The following ZNF383 variants were observed in gnomAD, a reference collection of about 807,000 sequenced individuals.
ZNF383 encodes zinc finger protein 383.
A neutral mutation model predicts 44.2 loss-of-function variants in ZNF383; 32 were observed. The observed-to-expected ratio is 0.72, with a 90% CI of 0.55 to 0.97. ZNF383 has a LOEUF of 0.97. ZNF383 is among the 50% of genes least tolerant of loss of function. The pLI is 0.00. For synonymous variants in ZNF383, 155 were observed against 186.2 expected, an observed-to-expected ratio of 0.83 and a Z score of 1.36; for missense variants, 487 against 562.5, an observed-to-expected ratio of 0.87 and a Z score of 1.36.
chr19:37,229,932 C>T (rs1327170316), intron 2 of ZNF383, among the ~76,000 whole-genome samples: 1 of 150,806 alleles, frequency 6.6e-6, no homozygotes, highest in African/African-American at 2.4e-5. Flanking sequence ...GGTTGAGAAA[C>T]AAAAAGACTT....
rs774849811 is a variant in ZNF383 at position 37,242,578 on chromosome 19, C to T, written c.342C>T (p.Tyr114=). 9 of 1,613,828 alleles carry T rather than the reference C, an allele frequency of 5.6e-6. No homozygotes were observed. Among genetic ancestry groups the T allele is most frequent in the Non-Finnish European group, 7.6e-6 (9 of 1,179,904 alleles). Reference sequence around the variant, plus strand: ...GACTTACAAAGCATGGCCTTGAGTACTCCAGTTTTGGAGATGTTTTGGAAT... The same window carrying T: ...GACTTACAAAGCATGGCCTTGAGTATTCCAGTTTTGGAGATGTTTTGGAAT... ...IMGLTKHGLE[Y]SSFGDVLEYR... is the part of the protein sequence containing the mutation. The change falls in exon 6 of 6, where the codon TAC becomes TAT. Residue 114 remains tyrosine, a synonymous_variant. Transcript: ENST00000684119.
In ZNF383 at chr19:37,235,969, T is replaced by C. The variant is rs1973770291; in HGVS notation, c.137-10T>C. ...GCATAACCATGTTCCATATCTTTTC[T>C]CGTGAGCAGGACTTTACACTCCTAA... On this transcript the variant is annotated splice_polypyrimidine_tract_variant and intron_variant, in intron 4 of 5. Transcript: ENST00000684119. The C allele has an allele frequency of 6.2e-7, 1 of 1,606,908 alleles. No homozygotes were observed. The highest frequency in any genetic ancestry group is 1.7e-5 in the Admixed American group (1 of 58,230).
intron 5 of ZNF383, among the ~76,000 whole-genome samples, chr19:37,239,059 A>G (rs1402903673): frequency 6.6e-6 from 1 of 152,136 alleles, no homozygotes; most frequent in African/African-American, 2.4e-5. Flanking sequence ...AGCTGGGATT[A>G]TAGGCGCCTG....
At position 37,244,521 on chromosome 19, in the gene ZNF383, G is replaced by C. The variant is rs1974284582; in HGVS notation, c.*857G>C. 1 of 152,158 alleles carries C rather than the reference G, an allele frequency of 6.6e-6. No homozygotes were observed. The highest frequency in any genetic ancestry group is 2.4e-5 in the African/African-American group (1 of 41,400). The allele number at this position is 152,158 out of a possible 1,614,324, so 9.4% of individuals were successfully genotyped here. A position where few individuals can be genotyped will look rare whatever the true frequency, so the allele number is the denominator to read the frequency against. On this transcript the variant is annotated 3_prime_UTR_variant, in exon 6 of 6. Transcript: ENST00000684119. ...GCCTTTTGAGTAGTTGGGATTACAG[G>C]CATGTGCCACAACACCCGGCTAATT...
rs367688274 is a variant in ZNF383 at position 37,242,977 on chromosome 19, C to A, written c.741C>A (p.Ile247=). 6.2e-7 allele frequency: 1 copy of A among 1,613,692 alleles called. No homozygotes were observed. The highest frequency in any genetic ancestry group is 8.5e-7 in the Non-Finnish European group (1 of 1,179,870). ...CSSYLSQHQR[I]HTGKKPYECK... ...CATACCTTTCTCAACATCAGAGAAT[C>A]CATACCGGTAAGAAACCCTATGAAT... Residue 247 remains isoleucine (I), a synonymous_variant, in exon 6 of 6, where the codon ATC becomes ATA. Transcript: ENST00000684119.
intron 3 of ZNF383, among the ~76,000 whole-genome samples, chr19:37,234,862 A>G (rs1027247120): frequency 5.9e-5 from 9 of 152,324 alleles, no homozygotes; most frequent in Non-Finnish European, 1.0e-4. Flanking sequence ...GCTTTTTGGT[A>G]TAACAAGACG....
intron 5 of ZNF383, among the ~76,000 whole-genome samples, chr19:37,238,695 A>G (rs1016492421): frequency 4.6e-5 from 7 of 152,170 alleles, no homozygotes. Context: ...GAGTGTTTGC[A>G]TGCTGGGTGC....
chr19:37,242,626 A>T lies in ZNF383; in HGVS notation c.390A>T (p.Gln130His), dbSNP rs977469511. 14 of 1,614,000 alleles carry T rather than the reference A, an allele frequency of 8.7e-6. No individual in the cohort carries two copies. The East Asian group carries it at 2.7e-4, about 31-fold the overall frequency. ...AATATAGAAGCCACCTTGCAAAACA[A>T]CTGGGATATCCAAATGGGCATTTTA... ...VLEYRSHLAK[Q>H]LGYPNGHFSQ... The change falls in exon 6 of 6, where the codon CAA becomes CAT. Residue 130 changes from glutamine (Q) to histidine (H), a missense_variant. Physicochemically the swap from Gln to His is conservative, Grantham distance 24. Transcript: ENST00000684119.
At chr19:37,228,202 C>G (rs1053118401) in intron 2 of ZNF383, among the ~76,000 whole-genome samples, 2 of 152,190 alleles carry the variant, frequency 1.3e-5, no homozygotes, top group South Asian at 2.1e-4. Flanking sequence ...CTGGCGTTAC[C>G]GGTAGACCAA....
intron 2 of ZNF383, among the ~76,000 whole-genome samples, chr19:37,227,145 G>A (rs1270527041): frequency 9.1e-6 from 1 of 110,166 alleles, no homozygotes; most frequent in Non-Finnish European, 1.7e-5. Flanking sequence ...ACAGAGCTTC[G>A]CTCTTGTTGC....
At position 37,247,809 on chromosome 19, in the gene ZNF383, A is replaced by C. The variant is rs1218418147; in HGVS notation, c.*4145A>C. 2.0e-5 allele frequency: 3 copies of C among 152,244 alleles called. No homozygotes were observed. Among genetic ancestry groups the C allele is most frequent in the Admixed American group, 6.5e-5 (1 of 15,284 alleles). 9.4% of individuals were successfully genotyped at this position (152,244 alleles called of 1,614,324 possible). On this transcript the variant is annotated 3_prime_UTR_variant, in exon 6 of 6. Coordinates refer to ENST00000684119, the MANE Select transcript of ZNF383 (RefSeq NM_001387601.1). ...GAATTAACTGGAGGTGTAAAATCTTAATAGACCTCCCTCCAGAATAAACTT... is the reference window on the plus strand; with the variant it reads ...GAATTAACTGGAGGTGTAAAATCTTCATAGACCTCCCTCCAGAATAAACTT...
intron 5 of ZNF383, 132 bp downstream of exon 5, chr19:37,236,206 G>C: frequency 5.2e-6 from 3 of 576,846 alleles, no homozygotes; most frequent in Non-Finnish European, 9.0e-6. Flanking sequence ...AGAAAATGAA[G>C]TCCTTTTAGC....
At chr19:37,227,848 G>A (rs932397728) in intron 2 of ZNF383, 3 of 152,178 alleles carry the variant, frequency 2.0e-5, no homozygotes, top group African/African-American at 7.2e-5. Flanking sequence ...TTTTTTAAAT[G>A]TATTTTAAAG....
In ZNF383 at chr19:37,236,051, A is replaced by G. The variant is rs1973774712; in HGVS notation, c.209A>G (p.Glu70Gly). ...AAAGAGCCCTGGATGGTTGGCAGAG[A>G]GCTTACAAGAGGCCTGTGTTCAGGT... ...QGKEPWMVGR[E>G]LTRGLCSDLE... The change falls in exon 5 of 6, where the codon GAG becomes GGG. Residue 70 changes from glutamate (E) to glycine (G), a missense_variant. Glu to Gly is a moderately conservative substitution (Grantham distance 98, BLOSUM62 -2). Coordinates refer to ENST00000684119, the MANE Select transcript of ZNF383 (RefSeq NM_001387601.1). The G allele has an allele frequency of 1.9e-6, 3 of 1,613,278 alleles. No individual in the cohort carries two copies. The highest frequency in any genetic ancestry group is 1.1e-5 in the South Asian group (1 of 91,048).
chr19:37,247,423 G>A lies in ZNF383; in HGVS notation c.*3759G>A, dbSNP rs1974408175. On this transcript the variant is annotated 3_prime_UTR_variant, in exon 6 of 6. Transcript: ENST00000684119. ...AAAGAACTGTGTCATTTGGGGTAAT[G>A]AAAATGTGGCATGGGTAAAGGTTGT... 1 of 152,198 alleles carries A rather than the reference G, an allele frequency of 6.6e-6. No individual in the cohort carries two copies. Among genetic ancestry groups the A allele is most frequent in the Non-Finnish European group, 1.5e-5 (1 of 68,032 alleles). The allele number at this position is 152,198 out of a possible 1,614,324, so 9.4% of individuals were successfully genotyped here. A position where few individuals can be genotyped will look rare whatever the true frequency, so the allele number is the denominator to read the frequency against.
chr19:37,240,500 C>T (rs569938363), intron 5 of ZNF383, among the ~76,000 whole-genome samples: 15 of 152,294 alleles, frequency 9.8e-5, no homozygotes, highest in African/African-American at 3.4e-4. Flanking sequence ...CAGCTCTCAT[C>T]AATCTGCTTC....
chr19:37,220,545 C>T (rs1599776977), intron 1 of ZNF383, among the ~76,000 whole-genome samples: 1 of 150,530 alleles, frequency 6.6e-6, no homozygotes, highest in East Asian at 1.9e-4. Context: ...AGCCACTGCT[C>T]CTGGCCTATA....
Position 37,236,040 on chromosome 19 carries a change from G to A in ZNF383, c.198G>A (p.Met66Ile). The A allele has an allele frequency of 6.2e-7, 1 of 1,613,584 alleles. No homozygotes were observed. Reference sequence around the variant, plus strand: ...TGGAACAAGGGAAAGAGCCCTGGATGGTTGGCAGAGAGCTTACAAGAGGCC... The same window carrying A: ...TGGAACAAGGGAAAGAGCCCTGGATAGTTGGCAGAGAGCTTACAAGAGGCC... ...SLLEQGKEPW[M>I]VGRELTRGLC... is the part of the protein sequence containing the mutation. The change falls in exon 5 of 6, where the codon ATG becomes ATA. Residue 66 changes from methionine to isoleucine, a missense_variant. By Grantham distance (10) the Met-to-Ile change is conservative. Coordinates refer to ENST00000684119, the MANE Select transcript of ZNF383 (RefSeq NM_001387601.1).
At chr19:37,242,320 A>AT in intron 5 of ZNF383, 149 bp from the exon 6 acceptor site, 1 of 527,618 alleles carries the variant, frequency 1.9e-6, no homozygotes, top group South Asian at 3.3e-5. Flanking sequence ...TTTCTTGTCC[A>AT]TTTTTTCAGA....
Sources: allele counts gnomAD v4.1 joint callset (sites outside exome capture counted in the v4.1 genomes callset), GRCh38; gene constraint gnomAD v4.1.1; transcripts MANE v1.5; gene names NCBI Gene and HGNC (gene_info 2026-07-23, HGNC 2026-07-21).